ANKDD1B: variants seen among roughly 807,000 people sequenced by gnomAD.
ANKDD1B encodes ankyrin repeat and death domain-containing protein 1B.
A neutral mutation model predicts 59.7 loss-of-function variants in ANKDD1B; 57 were observed. That is an observed-to-expected ratio of 0.95 (90% CI 0.77 to 1.19). The LOEUF (loss-of-function observed/expected upper bound fraction) is 1.19. Among genes scored for constraint, ANKDD1B ranks in the 50% most tolerant of loss-of-function variants. ANKDD1B has a pLI of 0.00. For synonymous variants in ANKDD1B, 216 were observed against 239.5 expected (o/e 0.90, Z 0.91); for missense variants, 602 against 641.9 (o/e 0.94, Z 0.67).
At chr5:75,652,769 C>A (rs1774864906) in intron 7 of ANKDD1B, among the ~76,000 whole-genome samples, 1 of 152,214 alleles carries the variant, frequency 6.6e-6, no homozygotes, top group Admixed American at 6.5e-5. Context: ...AGCCATGCAT[C>A]TCTGAATGAC....
intron 9 of ANKDD1B, among the ~76,000 whole-genome samples, chr5:75,656,790 C>T (rs1774990913): frequency 6.6e-6 from 1 of 152,212 alleles, no homozygotes; most frequent in Admixed American, 6.5e-5. Context: ...GTCCCGAGGC[C>T]AGATGAGACC....
intron 2 of ANKDD1B, among the ~76,000 whole-genome samples, chr5:75,619,073 T>A (rs773836375): frequency 1.3e-5 from 2 of 152,210 alleles, no homozygotes; most frequent in Non-Finnish European, 2.9e-5. Context: ...GAACTTATTT[T>A]ATCACTGGTT....
At chr5:75,630,658 T>G (rs890180865) in intron 5 of ANKDD1B, among the ~76,000 whole-genome samples, 1 of 152,244 alleles carries the variant, frequency 6.6e-6, no homozygotes, top group Non-Finnish European at 1.5e-5. Context: ...CTGATAAATA[T>G]GTATTAGTTA....
At chr5:75,621,705 G>A (rs902707351) in intron 3 of ANKDD1B, among the ~76,000 whole-genome samples, 3 of 152,288 alleles carry the variant, frequency 2.0e-5, no homozygotes, top group African/African-American at 7.2e-5. Context: ...CAGAATATCT[G>A]AGGATTGCCA....
At chr5:75,642,063 G>C (rs138976825) in intron 7 of ANKDD1B, among the ~76,000 whole-genome samples, 398 of 152,186 alleles carry the variant, frequency 2.6e-3, no homozygotes, top group South Asian at 0.011. Flanking sequence ...GTTAATCATA[G>C]AACACTAATT....
At chr5:75,618,162 A>G (rs375347027) in intron 2 of ANKDD1B, among the ~76,000 whole-genome samples, 1 of 152,142 alleles carries the variant, frequency 6.6e-6, no homozygotes, top group African/African-American at 2.4e-5. Flanking sequence ...AGGAGAAAGG[A>G]TGGAAAAGAG....
rs1258781442 is a variant in ANKDD1B at position 75,642,064 on chromosome 5, AAC to A, written c.798+6185_798+6186del. Among the ~76,000 whole-genome samples the A allele has an allele frequency of 3.3e-5, 5 of 152,312 alleles. No homozygotes were observed. In the East Asian group the frequency reaches 9.6e-4, roughly 29 times the overall value. On this transcript the variant is annotated intron_variant, in intron 7 of 13. Transcript: ENST00000601380. ...GCAATATTGAACATGTTAATCATAG[AAC>A]ACTAATTGAAAAAATATAGTATAGT... is the stretch of plus-strand genomic sequence containing the variant.
At chr5:75,654,359 G>A (rs1774908043) in intron 8 of ANKDD1B, among the ~76,000 whole-genome samples, 1 of 152,196 alleles carries the variant, frequency 6.6e-6, no homozygotes, top group African/African-American at 2.4e-5. Flanking sequence ...CCTTGTGGAA[G>A]TTACTGATCC....
intron 7 of ANKDD1B, among the ~76,000 whole-genome samples, chr5:75,651,274 A>G (rs965976284): frequency 2.0e-5 from 3 of 152,350 alleles, no homozygotes; most frequent in East Asian, 1.9e-4. Flanking sequence ...TGGGAAAGCA[A>G]TCTCCAACAG....
In ANKDD1B at chr5:75,634,962, C is replaced by T. The variant is rs1774260395; in HGVS notation, c.665C>T (p.Thr222Ile). 6.5e-7 allele frequency: 1 copy of T among 1,535,288 alleles called. No individual in the cohort carries two copies. The change falls in exon 6 of 14, where the codon ACC becomes ATC. Residue 222 changes from threonine to isoleucine, a missense_variant. Transcript: ENST00000601380. ...RGHVEMIEKL[T>I]FLNLHTSEKD... ...CATGTTGAAATGATAGAAAAACTTA[C>T]CTTCCTAAACCTGCATACTTCAGAA...
At chr5:75,622,755 G>C (rs1430029085) in intron 3 of ANKDD1B, among the ~76,000 whole-genome samples, 2 of 152,258 alleles carry the variant, frequency 1.3e-5, no homozygotes, top group Middle Eastern at 3.4e-3. Flanking sequence ...TGAGCCAACT[G>C]TGAGTGTAAT....
Position 75,663,123 on chromosome 5 carries a change from C to G in ANKDD1B, c.1096-271C>G, listed in dbSNP as rs74474029. On this transcript the variant is annotated intron_variant, in intron 10 of 13. Transcript: ENST00000601380. ...CCACTTCTATTTACAGACCATTGGC[C>G]AGAACTTAGGTCACATAACTAACTG... is the stretch of plus-strand genomic sequence containing the variant. 6.1e-3 allele frequency among the ~76,000 whole-genome samples: 926 copies of G among 152,224 alleles called. 14 individuals carry two copies. Among genetic ancestry groups the G allele is most frequent in the African/African-American group, 0.021 (886 of 41,540 alleles).
intron 7 of ANKDD1B, among the ~76,000 whole-genome samples, chr5:75,648,742 G>T (rs543458533): frequency 2.0e-5 from 3 of 152,294 alleles, no homozygotes; most frequent in African/African-American, 7.2e-5. Flanking sequence ...AAACCCTGGG[G>T]AGAAAAGCAG....
chr5:75,650,423 G>T (rs1270637570), intron 7 of ANKDD1B, among the ~76,000 whole-genome samples: 1 of 152,192 alleles, frequency 6.6e-6, no homozygotes, highest in Non-Finnish European at 1.5e-5. Flanking sequence ...AAGAGACAAG[G>T]AAGTGGATTC....
chr5:75,669,215 G>T, intron 12 of ANKDD1B, 37 bp from the exon 13 acceptor site: 2 of 1,231,650 alleles, frequency 1.6e-6, no homozygotes, highest in Non-Finnish European at 2.0e-6. Flanking sequence ...ATAGCAGCTC[G>T]TGGTGTTTTA....
chr5:75,668,501 G>A lies in ANKDD1B; in HGVS notation c.1394-751G>A, dbSNP rs552807795. Among the ~76,000 whole-genome samples the A allele has an allele frequency of 2.3e-4, 35 of 152,256 alleles. No homozygotes were observed. The South Asian group carries it at 5.8e-3, about 25-fold the overall frequency. ...GCAGTTCCCTCTCCCTGAAATGCCC[G>A]CTTCTCCATATCAGTCTGTCCAGTG... On this transcript the variant is annotated intron_variant, in intron 12 of 13. Transcript: ENST00000601380.
chr5:75,667,068 T>C, intron 12 of ANKDD1B, 75 bp downstream of exon 12: 2 of 993,750 alleles, frequency 2.0e-6, no homozygotes, highest in South Asian at 4.9e-5. Context: ...TGTGAGGTCT[T>C]CCAAGGAAGT....
At chr5:75,619,872 T>A (rs1315903892) in intron 2 of ANKDD1B, among the ~76,000 whole-genome samples, 1 of 152,172 alleles carries the variant, frequency 6.6e-6, no homozygotes, top group Non-Finnish European at 1.5e-5. Context: ...AAATTTACAG[T>A]CCAAAAACTT....
At chr5:75,648,339 T>G (rs1774714758) in intron 7 of ANKDD1B, among the ~76,000 whole-genome samples, 1 of 150,918 alleles carries the variant, frequency 6.6e-6, no homozygotes, top group African/African-American at 2.4e-5. Flanking sequence ...GAGCTGTGCC[T>G]CTACAGTCAT....
Sources: allele counts gnomAD v4.1 joint callset (sites outside exome capture counted in the v4.1 genomes callset), GRCh38; gene constraint gnomAD v4.1.1; transcripts MANE v1.5; gene names NCBI Gene and HGNC (gene_info 2026-07-23, HGNC 2026-07-21).